The following KCNN2 variants were observed in gnomAD, a reference collection of about 807,000 sequenced individuals.
The protein encoded by KCNN2 is potassium calcium-activated channel subfamily N member 2.
KCNN2 carries 24 observed loss-of-function variants against 55.5 expected under a neutral mutation model. The ratio of observed to expected loss-of-function variants is 0.43; its 90% CI spans 0.31 to 0.61. KCNN2 has a LOEUF of 0.61. KCNN2 is among the 20% of genes least tolerant of loss of function. The probability of loss-of-function intolerance (pLI) is 0.08; values close to 1 mark genes in which losing one functional copy is unlikely to be tolerated. For missense variants in KCNN2, 754 were observed against 853.6 expected, an observed-to-expected ratio of 0.88 and a Z score of 1.45; for synonymous variants, 431 against 336.1, an observed-to-expected ratio of 1.28 and a Z score of -3.09.
intron 2 of KCNN2, among the ~76,000 whole-genome samples, chr5:114,385,519 G>GCGCACACACACACA (rs1458678711): frequency 1.1e-4 from 16 of 143,454 alleles, no homozygotes; most frequent in African/African-American, 3.4e-4. Context: ...ACACATGCGC[G>GCGCACACACACACA]CACACACACA....
chr5:114,196,775 C>G (rs1201660114), intron 1 of KCNN2, among the ~76,000 whole-genome samples: 1 of 151,794 alleles, frequency 6.6e-6, no homozygotes, highest in Non-Finnish European at 1.5e-5. Flanking sequence ...GTTTGTTGAT[C>G]TTTTCAAAGT....
chr5:114,459,830 T>C (rs1024880618), intron 3 of KCNN2, among the ~76,000 whole-genome samples: 7 of 152,234 alleles, frequency 4.6e-5, no homozygotes, highest in African/African-American at 1.4e-4. Flanking sequence ...TCTGATGCAA[T>C]GTAATGCGAA....
chr5:114,407,450 T>TA (rs1758971360), intron 3 of KCNN2, among the ~76,000 whole-genome samples: 1 of 152,202 alleles, frequency 6.6e-6, no homozygotes, highest in African/African-American at 2.4e-5. Context: ...CATCATGCTT[T>TA]TCTTTCATAG....
chr5:114,152,613 G>T (rs1433803506), intron 1 of KCNN2, among the ~76,000 whole-genome samples: 2 of 152,096 alleles, frequency 1.3e-5, no homozygotes, highest in South Asian at 2.1e-4. Flanking sequence ...TTTCCAAGCT[G>T]GGATTATCAT....
chr5:114,199,776 C>A (rs1027266741), intron 1 of KCNN2, among the ~76,000 whole-genome samples: 11 of 152,014 alleles, frequency 7.2e-5, no homozygotes, highest in Admixed American at 6.6e-4. Flanking sequence ...TTTATTCTGG[C>A]AGTATACAAA....
chr5:114,241,746 ATATATG>A (rs376655181), intron 2 of KCNN2, among the ~76,000 whole-genome samples: 16,576 of 31,988 alleles, frequency 0.52, 5,859 homozygotes, highest in East Asian at 0.82. Context: ...ATATACGTAT[ATATATG>A]TATATATATA....
intron 2 of KCNN2, among the ~76,000 whole-genome samples, chr5:114,249,828 T>C (rs1020156266): frequency 1.3e-5 from 2 of 151,898 alleles, no homozygotes; most frequent in Non-Finnish European, 2.9e-5. Flanking sequence ...TGCAAAAATA[T>C]CATCGATCTG....
chr5:114,163,372 C>T (rs1580577206), intron 1 of KCNN2, among the ~76,000 whole-genome samples: 1 of 152,114 alleles, frequency 6.6e-6, no homozygotes, highest in African/African-American at 2.4e-5. Context: ...GCAATTTTCA[C>T]TGGGAGAATG....
At chr5:114,126,134 T>C (rs1751926311) in intron 1 of KCNN2, among the ~76,000 whole-genome samples, 3 of 152,118 alleles carry the variant, frequency 2.0e-5, no homozygotes. Flanking sequence ...TGTTTCTCTG[T>C]TCAAGTCACC....
At chr5:114,276,736 C>T (rs1258625957) in intron 2 of KCNN2, among the ~76,000 whole-genome samples, 4 of 147,808 alleles carry the variant, frequency 2.7e-5, no homozygotes, top group Admixed American at 6.8e-5. Context: ...GTGTCTTGCA[C>T]ATGAGATGGG....
chr5:114,265,245 A>G (rs1170699684), intron 2 of KCNN2, among the ~76,000 whole-genome samples: 2 of 150,914 alleles, frequency 1.3e-5, no homozygotes, highest in East Asian at 2.0e-4. Context: ...TGTCATATGT[A>G]GAAAATCCTG....
At chr5:114,226,222 T>A (rs1054400235) in intron 2 of KCNN2, among the ~76,000 whole-genome samples, 1 of 152,220 alleles carries the variant, frequency 6.6e-6, no homozygotes, top group Non-Finnish European at 1.5e-5. Flanking sequence ...GTACATATAC[T>A]CCTTTAGAGT....
chr5:114,332,884 G>A lies in KCNN2; in HGVS notation c.-184-28061G>A, dbSNP rs144432378. Among the ~76,000 whole-genome samples the A allele has an allele frequency of 2.6e-5, 4 of 152,260 alleles. No homozygotes were observed. The East Asian group carries it at 7.7e-4, about 29-fold the overall frequency. On this transcript the variant is annotated intron_variant, in intron 2 of 10. Coordinates refer to the KCNN2 transcript ENST00000512097. ...CTCATTTTTGCTTACTTTTGCTGGT[G>A]TTTAACCCAAAATATAACCTGGGAA...
chr5:114,112,773 T>A (rs1202457690), intron 1 of KCNN2, among the ~76,000 whole-genome samples: 1 of 152,100 alleles, frequency 6.6e-6, no homozygotes, highest in East Asian at 1.9e-4. Flanking sequence ...CCAGACTGAA[T>A]TAAAATAATT....
rs552330116 is a variant in KCNN2, at chr5:114,156,688, T to C, written c.-270-64792T>C. On this transcript the variant is annotated intron_variant, in intron 1 of 10. Coordinates refer to the KCNN2 transcript ENST00000512097. Reference sequence around the variant, plus strand: ...CATGATTTGGCTCTTGGCTTGACTATTGGTGTATAGGAATGCTGGTGATTT... The same window carrying C: ...CATGATTTGGCTCTTGGCTTGACTACTGGTGTATAGGAATGCTGGTGATTT... Among the ~76,000 whole-genome samples, 21 of 152,218 alleles carry C rather than the reference T, an allele frequency of 1.4e-4. No individual in the cohort carries two copies. The East Asian group carries it at 3.5e-3, about 25-fold the overall frequency.
At chr5:114,282,909 T>A (rs1260201699) in intron 2 of KCNN2, among the ~76,000 whole-genome samples, 1 of 152,190 alleles carries the variant, frequency 6.6e-6, no homozygotes, top group Non-Finnish European at 1.5e-5. Flanking sequence ...TGCTCTGGCT[T>A]CCAAAATCAC....
intron 2 of KCNN2, among the ~76,000 whole-genome samples, chr5:114,230,289 T>C (rs1363167766): frequency 6.6e-6 from 1 of 150,376 alleles, no homozygotes; most frequent in Non-Finnish European, 1.5e-5. Flanking sequence ...CTTTCTTTCT[T>C]TTTTTTATTA....
chr5:114,488,046 A>G (rs1747659079), intron 6 of KCNN2, among the ~76,000 whole-genome samples: 2 of 152,182 alleles, frequency 1.3e-5, no homozygotes. Context: ...AGAGGCTGCA[A>G]TTTTTATTTT....
At chr5:114,122,911 G>A (rs1279544824) in intron 1 of KCNN2, among the ~76,000 whole-genome samples, 2 of 152,078 alleles carry the variant, frequency 1.3e-5, no homozygotes, top group Admixed American at 6.5e-5. Flanking sequence ...AGAAGAACAC[G>A]CTATATTTTA....
Sources: allele counts gnomAD v4.1 joint callset (sites outside exome capture counted in the v4.1 genomes callset), GRCh38; gene constraint gnomAD v4.1.1; transcripts MANE v1.5; gene names NCBI Gene and HGNC (gene_info 2026-07-23, HGNC 2026-07-21).